Variants in AGBL4 observed in about 807,000 individuals in gnomAD.
AGBL4 encodes cytosolic carboxypeptidase 6.
In AGBL4, 58 loss-of-function variants were observed where a neutral mutation model predicts 66.4. The ratio of observed to expected loss-of-function variants is 0.87; its 90% CI spans 0.71 to 1.09. The LOEUF (loss-of-function observed/expected upper bound fraction) is 1.09, where lower values mean the gene tolerates loss of function less well. Among genes scored for constraint, AGBL4 ranks in the 50% least tolerant of loss-of-function variants. AGBL4 has a pLI of 0.00. For synonymous variants in AGBL4, 234 were observed against 222.9 expected (o/e 1.05, Z -0.44); for missense variants, 579 against 631.0 (o/e 0.92, Z 0.88).
At chr1:49,168,405 T>A (rs1221925453) in intron 4 of AGBL4, among the ~76,000 whole-genome samples, 2 of 152,206 alleles carry the variant, frequency 1.3e-5, no homozygotes, top group Non-Finnish European at 2.9e-5. Flanking sequence ...CCTCCCCAGA[T>A]TGCTCAAGCA....
At chr1:49,380,799 C>A (rs369745179) in intron 3 of AGBL4, among the ~76,000 whole-genome samples, 192 of 150,498 alleles carry the variant, frequency 1.3e-3, no homozygotes, top group Middle Eastern at 3.4e-3. Flanking sequence ...CATATGTAGA[C>A]AGCTGAAACT....
chr1:48,974,053 A>C (rs1183787906), intron 5 of AGBL4, among the ~76,000 whole-genome samples: 1 of 152,088 alleles, frequency 6.6e-6, no homozygotes, highest in Non-Finnish European at 1.5e-5. Context: ...TACTTTGGGA[A>C]ATGGCTGTGA....
intron 6 of AGBL4, among the ~76,000 whole-genome samples, chr1:48,846,374 AAAGAAAG>A (rs1293344516): frequency 6.0e-5 from 8 of 133,292 alleles, no homozygotes; most frequent in Admixed American, 4.3e-4. Context: ...AGAAAGAAAG[AAAGAAAG>A]AAAGAAAGAA....
chr1:49,387,531 A>C (rs1393875924), intron 3 of AGBL4, among the ~76,000 whole-genome samples: 3 of 151,946 alleles, frequency 2.0e-5, no homozygotes, highest in Non-Finnish European at 4.4e-5. Context: ...GATTCCATTG[A>C]GATTTTAAGT....
intron 5 of AGBL4, among the ~76,000 whole-genome samples, chr1:48,914,171 A>G (rs560426148): frequency 6.6e-6 from 1 of 152,228 alleles, no homozygotes; most frequent in Non-Finnish European, 1.5e-5. Context: ...GGAACCCTGA[A>G]GAATTCTAAG....
rs1049670592 is a variant in AGBL4 at position 48,564,054 on chromosome 1, C to T, written c.1267+22950G>A. ...GCCAGGGGGGTATTGTTTTCTCCCT[C>T]AAGGAAGGAAACACCAATGGATCTC... On this transcript the variant is annotated intron_variant, in intron 11 of 13. Transcript: ENST00000371839. Among the ~76,000 whole-genome samples the T allele has an allele frequency of 2.6e-5, 4 of 152,152 alleles. No individual in the cohort carries two copies. The East Asian group carries it at 7.7e-4, about 29-fold the overall frequency.
intron 3 of AGBL4, among the ~76,000 whole-genome samples, chr1:49,683,335 A>C (rs1480142224): frequency 2.6e-5 from 4 of 152,160 alleles, no homozygotes; most frequent in Non-Finnish European, 5.9e-5. Context: ...CAACATATCC[A>C]TTTTTTAAAG....
chr1:49,123,718 T>C (rs1179504425), intron 4 of AGBL4, among the ~76,000 whole-genome samples: 1 of 152,142 alleles, frequency 6.6e-6, no homozygotes, highest in South Asian at 2.1e-4. Flanking sequence ...TCTCCTTGGG[T>C]CTCAGTGTCA....
chr1:48,543,862 G>A (rs2148269509), intron 11 of AGBL4, among the ~76,000 whole-genome samples: 1 of 152,304 alleles, frequency 6.6e-6, no homozygotes, highest in East Asian at 1.9e-4. Flanking sequence ...CAGTAATGAA[G>A]GCTATTTTAT....
intron 5 of AGBL4, among the ~76,000 whole-genome samples, chr1:48,952,184 C>T (rs1169556609): frequency 2.6e-5 from 4 of 152,196 alleles, no homozygotes; most frequent in African/African-American, 9.6e-5. Context: ...GAGTGAATAA[C>T]ACGTTTATCC....
intron 5 of AGBL4, among the ~76,000 whole-genome samples, chr1:48,984,704 AT>A (rs1660044400): frequency 6.6e-6 from 1 of 151,852 alleles, no homozygotes; most frequent in Non-Finnish European, 1.5e-5. Context: ...AATTTGAGAC[AT>A]GCAGAAACAA....
intron 1 of AGBL4, among the ~76,000 whole-genome samples, chr1:50,020,339 T>G (rs1288436295): frequency 6.6e-6 from 1 of 152,124 alleles, no homozygotes; most frequent in Non-Finnish European, 1.5e-5. Flanking sequence ...ACTACGGACA[T>G]AACATTTATT....
chr1:49,960,518 T>TA (rs1657031308), intron 1 of AGBL4, among the ~76,000 whole-genome samples: 1 of 152,042 alleles, frequency 6.6e-6, no homozygotes, highest in African/African-American at 2.4e-5. Context: ...TGACTATTCT[T>TA]AAAAACAATA....
intron 3 of AGBL4, among the ~76,000 whole-genome samples, chr1:49,628,889 G>A (rs1234358273): frequency 1.3e-5 from 2 of 152,108 alleles, no homozygotes; most frequent in African/African-American, 4.8e-5. Flanking sequence ...ATGTTCCCGA[G>A]GCCTTCTTAA....
intron 4 of AGBL4, among the ~76,000 whole-genome samples, chr1:49,135,698 G>C (rs931811559): frequency 6.6e-5 from 10 of 152,200 alleles, no homozygotes; most frequent in African/African-American, 2.4e-4. Context: ...GCTATTGTTT[G>C]TGGCTTAAGA....
chr1:48,749,761 A>C (rs1366989860), intron 6 of AGBL4, among the ~76,000 whole-genome samples: 1 of 152,212 alleles, frequency 6.6e-6, no homozygotes, highest in Non-Finnish European at 1.5e-5. Flanking sequence ...CTGGTTCTTC[A>C]TCTGTGGTTC....
At chr1:50,009,809 T>C (rs182566805) in intron 1 of AGBL4, among the ~76,000 whole-genome samples, 2 of 152,116 alleles carry the variant, frequency 1.3e-5, no homozygotes, top group Non-Finnish European at 2.9e-5. Flanking sequence ...AGTTGCAGGG[T>C]ACAAAATCCA....
At chr1:48,946,618 C>T (rs556101010) in intron 5 of AGBL4, among the ~76,000 whole-genome samples, 1 of 152,234 alleles carries the variant, frequency 6.6e-6, no homozygotes, top group African/African-American at 2.4e-5. Flanking sequence ...AAAGTTAGCT[C>T]ACTCTGTGTC....
At chr1:48,705,743 A>G (rs1646872272) in intron 6 of AGBL4, among the ~76,000 whole-genome samples, 1 of 152,256 alleles carries the variant, frequency 6.6e-6, no homozygotes, top group Admixed American at 6.5e-5. Flanking sequence ...CCAATTAAAT[A>G]GAAAGCAGAG....
Sources: gnomAD v4.1 joint callset for allele counts (sites outside exome capture counted in the v4.1 genomes callset) on GRCh38, gnomAD v4.1.1 for gene constraint, MANE v1.5 for transcripts, NCBI Gene and HGNC (gene_info 2026-07-23, HGNC 2026-07-21) for gene names.